SLC44A5: variants seen among roughly 807,000 people sequenced by gnomAD.
SLC44A5 encodes solute carrier family 44 member 5, also known as choline transporter-like protein 5.
Under a neutral mutation model 101.8 loss-of-function variants are expected in SLC44A5, and 57 were observed. That is an observed-to-expected ratio of 0.56 (90% confidence interval 0.45 to 0.70). The LOEUF is 0.70. Ranked by LOEUF, SLC44A5 falls within the 30% of genes least tolerant of loss-of-function variation. SLC44A5 has a pLI of 0.00. For synonymous variants in SLC44A5, 281 were observed against 290.9 expected (o/e 0.97, Z 0.35); for missense variants, 737 against 853.1 (o/e 0.86, Z 1.70).
At chr1:75,668,429 A>G in the SLC44A5 span, among the ~76,000 whole-genome samples, 1 of 147,070 alleles carries the variant, frequency 6.8e-6, no homozygotes, top group South Asian at 2.2e-4. Context: ...GGCTCAAGCA[A>G]TCCTCCAGCC....
chr1:75,459,953 C>T (rs1374540592), intron 2 of SLC44A5, among the ~76,000 whole-genome samples: 1 of 152,122 alleles, frequency 6.6e-6, no homozygotes, highest in East Asian at 1.9e-4. Context: ...AGTGCTTAAG[C>T]AATGCCCTGA....
upstream of SLC44A5, among the ~76,000 whole-genome samples, chr1:75,614,043 G>C (rs1456998557): frequency 2.6e-5 from 4 of 152,162 alleles, no homozygotes; most frequent in Admixed American, 6.6e-5. Context: ...CAAGGTTTGG[G>C]GTGGGAATGA....
chr1:75,213,948 A>G lies in SLC44A5; in HGVS notation c.1844T>C (p.Leu615Pro). Reference sequence around the variant, plus strand: ...ACTTCCAGCAACTAGAAGTTTCCCCAGGAATAATACAAAGTATGTAACTTC... The same window carrying G: ...ACTTCCAGCAACTAGAAGTTTCCCCGGGAATAATACAAAGTATGTAACTTC... ...TDEVTYFVLF[L>P]GKLLVAGSIG... The change falls in exon 21 of 24, where the codon CTG becomes CCG. Residue 615 changes from leucine to proline, a missense_variant. This residue lies in a region of SLC44A5 where 665 missense variants were observed against 764.4 expected (regional missense o/e 0.87). Coordinates refer to ENST00000370859, the MANE Select transcript of SLC44A5 (RefSeq NM_001130058.2). 1 of 1,596,822 alleles carries G rather than the reference A, an allele frequency of 6.3e-7. No individual in the cohort carries two copies.
chr1:75,683,457 G>T, the SLC44A5 span, among the ~76,000 whole-genome samples: 1 of 151,752 alleles, frequency 6.6e-6, no homozygotes, highest in Non-Finnish European at 1.5e-5. Flanking sequence ...TCCTTTGTAG[G>T]GACATGGATG....
chr1:75,299,127 G>A (rs777774687), intron 5 of SLC44A5, among the ~76,000 whole-genome samples: 84 of 152,094 alleles, frequency 5.5e-4, no homozygotes, highest in Non-Finnish European at 1.0e-3. Context: ...TATATTTTGT[G>A]TAAGAAAATT....
intron 2 of SLC44A5, among the ~76,000 whole-genome samples, chr1:75,409,305 G>A (rs1039082055): frequency 6.6e-6 from 1 of 152,156 alleles, no homozygotes; most frequent in African/African-American, 2.4e-5. Context: ...TGTGTTTTCT[G>A]GGTGAGTACA....
intron 6 of SLC44A5, among the ~76,000 whole-genome samples, chr1:75,263,959 A>G (rs1229990635): frequency 1.3e-5 from 2 of 152,170 alleles, no homozygotes; most frequent in East Asian, 3.9e-4. Flanking sequence ...GGAGGGGAAC[A>G]TCACACACTG....
intron 2 of SLC44A5, among the ~76,000 whole-genome samples, chr1:75,416,464 C>A (rs1240707946): frequency 6.6e-6 from 1 of 152,228 alleles, no homozygotes; most frequent in South Asian, 2.1e-4. Flanking sequence ...TCATGGAGAA[C>A]CTCTGCTAGA....
chr1:75,478,360 C>T (rs1667577217), intron 2 of SLC44A5, among the ~76,000 whole-genome samples: 1 of 152,152 alleles, frequency 6.6e-6, no homozygotes, highest in Non-Finnish European at 1.5e-5. Context: ...AGCAAAATAA[C>T]CAGCTAACAT....
At chr1:75,375,799 C>A (rs903209680) in intron 3 of SLC44A5, among the ~76,000 whole-genome samples, 2 of 152,190 alleles carry the variant, frequency 1.3e-5, no homozygotes, top group Non-Finnish European at 2.9e-5. Context: ...CAAGCAATCA[C>A]TAAGAAAATT....
intron 7 of SLC44A5, among the ~76,000 whole-genome samples, chr1:75,243,754 T>C (rs1308800811): frequency 1.3e-5 from 2 of 152,070 alleles, no homozygotes; most frequent in Admixed American, 6.6e-5. Context: ...ATGTTGAAAT[T>C]TGATCCCCAG....
At chr1:75,450,004 A>C (rs200292189) in intron 2 of SLC44A5, among the ~76,000 whole-genome samples, 1 of 152,192 alleles carries the variant, frequency 6.6e-6, no homozygotes, top group East Asian at 1.9e-4. Context: ...TATCTCAAAA[A>C]AAAAAATTAA....
chr1:75,276,056 T>C (rs1255153961), intron 5 of SLC44A5, among the ~76,000 whole-genome samples: 1 of 152,176 alleles, frequency 6.6e-6, no homozygotes, highest in African/African-American at 2.4e-5. Context: ...AGAATTTCAA[T>C]ATGGAAGAAA....
At chr1:75,454,863 C>T (rs1666099658) in intron 2 of SLC44A5, among the ~76,000 whole-genome samples, 1 of 152,010 alleles carries the variant, frequency 6.6e-6, no homozygotes, top group Non-Finnish European at 1.5e-5. Flanking sequence ...AGCTACAAAA[C>T]ACTGCTAAAG....
At chr1:75,530,925 T>TC (rs1670680308) in intron 2 of SLC44A5, among the ~76,000 whole-genome samples, 1 of 152,204 alleles carries the variant, frequency 6.6e-6, no homozygotes, top group African/African-American at 2.4e-5. Flanking sequence ...AACAGAAAAT[T>TC]AATGAATATT....
chr1:75,237,187 ATCT>A, intron 10 of SLC44A5, 117 bp from the exon 11 acceptor site: 1 of 595,454 alleles, frequency 1.7e-6, no homozygotes, highest in East Asian at 2.8e-5. Flanking sequence ...TTCAGAAACC[ATCT>A]ATCAGTAGTG....
intron 7 of SLC44A5, among the ~76,000 whole-genome samples, chr1:75,244,123 C>T (rs978566856): frequency 2.6e-5 from 4 of 152,150 alleles, no homozygotes; most frequent in African/African-American, 4.8e-5. Flanking sequence ...AGCAAACAAA[C>T]CTCTTTTCTT....
chr1:75,587,652 T>C (rs1674091274), intron 1 of SLC44A5, among the ~76,000 whole-genome samples: 1 of 152,266 alleles, frequency 6.6e-6, no homozygotes, highest in Non-Finnish European at 1.5e-5. Flanking sequence ...CTTTTTCACA[T>C]TAGGCCTCTT....
chr1:75,615,786 C>A, upstream of SLC44A5: 5 of 897,476 alleles, frequency 5.6e-6, no homozygotes, highest in Non-Finnish European at 6.7e-6. Context: ...TGTAAACAGG[C>A]CGGCCCGAGG....
Sources: gnomAD v4.1 joint callset for allele counts (sites outside exome capture counted in the v4.1 genomes callset) on GRCh38, gnomAD v4.1.1 for gene constraint, gnomAD v4.1.1 regional missense constraint, MANE v1.5 for transcripts, NCBI Gene and HGNC (gene_info 2026-07-23, HGNC 2026-07-21) for gene names.